Variants in PAPLN observed in about 807,000 individuals in gnomAD.
PAPLN encodes the protein papilin.
Under a neutral mutation model 159.0 loss-of-function variants are expected in PAPLN, and 146 were observed. The observed-to-expected ratio is 0.92, with a 90% CI of 0.80 to 1.05. PAPLN has a LOEUF of 1.05. Among genes scored for constraint, PAPLN ranks in the 50% least tolerant of loss-of-function variants. The pLI, the probability that PAPLN is intolerant of heterozygous loss-of-function variation, is 0.00. For missense variants in PAPLN, 1,720 were observed against 1,743.9 expected, an observed-to-expected ratio of 0.99 and a Z score of 0.24; for synonymous variants, 734 against 702.9, an observed-to-expected ratio of 1.04 and a Z score of -0.70.
intron 10 of PAPLN, 149 bp downstream of exon 10, chr14:73,252,290 C>T: frequency 7.7e-7 from 1 of 1,301,486 alleles, no homozygotes; most frequent in Non-Finnish European, 1.0e-6. Context: ...ATGGGGGTCG[C>T]TTTGAGGAAA....
rs1555364875 is a variant in PAPLN, at chr14:73,265,273, A to ACG, written c.3126-97_3126-96insCG. Reference sequence around the variant, plus strand: ...TTTAGGAAGCTGAATCTGGCTGGAGAGGGAGAAGGGGCCACCAGGCTTGTG... The same window carrying ACG: ...TTTAGGAAGCTGAATCTGGCTGGAGACGGGGAGAAGGGGCCACCAGGCTTGTG... On this transcript the variant is annotated intron_variant, in intron 22 of 26. Transcript: ENST00000644200. The surrounding 1 kb of genome is among the most constrained non-coding windows in gnomAD (Gnocchi z 4.1). 9.9e-5 allele frequency: 150 copies of ACG among 1,509,376 alleles called. 2 individuals are homozygous for ACG. The South Asian group carries it at 1.6e-3, about 16-fold the overall frequency. 93.5% of individuals were successfully genotyped at this position (1,509,376 alleles called of 1,614,324 possible).
intron 19 of PAPLN, chr14:73,263,440 C>A: frequency 1.6e-6 from 1 of 633,234 alleles, no homozygotes; most frequent in Non-Finnish European, 2.8e-6. Context: ...GGCAGTGATG[C>A]TTGGGGGAGC....
In PAPLN at chr14:73,264,685, C is replaced by T. The variant is rs768907461; in HGVS notation, c.3084C>T (p.Pro1028=). 1 of 1,612,166 alleles carries T rather than the reference C, an allele frequency of 6.2e-7. No homozygotes were observed. The highest frequency in any genetic ancestry group is 2.2e-5 in the East Asian group (1 of 44,854). ...QDFGQAGAAG[P]LGAIPSSHPQ... ...TTGGCCAAGCGGGGGCTGCTGGGCCCCTGGGGGCCATCCCCTCTTCACACC... is the reference window on the plus strand; with the variant it reads ...TTGGCCAAGCGGGGGCTGCTGGGCCTCTGGGGGCCATCCCCTCTTCACACC... Residue 1028 remains proline (P), a synonymous_variant, in exon 22 of 27, where the codon CCC becomes CCT. Transcript: ENST00000644200.
intron 1 of PAPLN, among the ~76,000 whole-genome samples, chr14:73,238,032 C>T (rs533456956): frequency 6.6e-6 from 1 of 152,288 alleles, no homozygotes; most frequent in South Asian, 2.1e-4. Flanking sequence ...GTGGGAACCG[C>T]GCCTCTCCGC....
rs191553368 is a variant in PAPLN, at chr14:73,259,580, T to C, written c.1985+35T>C. The stretch of plus-strand genomic sequence containing the variant: ...GGAGACAGGTCTTCCTCCTCCCCCG[T>C]CAAAGAGGGAAGGTGGGACCCCGTG... On this transcript the variant is annotated intron_variant, in intron 16 of 26. Coordinates refer to ENST00000644200, the MANE Select transcript of PAPLN (RefSeq NM_001365906.3). The C allele has an allele frequency of 4.6e-4, 673 of 1,468,314 alleles. 3 individuals carry two copies. In the African/African-American group the frequency reaches 8.8e-3, roughly 19 times the overall value. The allele number at this position is 1,468,314 out of a possible 1,614,324, so 91.0% of individuals were successfully genotyped here.
chr14:73,249,674 C>CAG (rs1885014863), intron 5 of PAPLN: 1 of 93,412 alleles, frequency 1.1e-5, no homozygotes, highest in Non-Finnish European at 2.1e-5. Context: ...GACTCCACCT[C>CAG]AAAAAAAAAA....
chr14:73,259,350 G>T lies in PAPLN; in HGVS notation c.1790G>T (p.Gly597Val), dbSNP rs762558894. 21 of 1,611,478 alleles carry T rather than the reference G, an allele frequency of 1.3e-5. No homozygotes were observed. The South Asian group carries it at 2.1e-4, about 16-fold the overall frequency. Residue 597 changes from glycine to valine, a missense_variant, in exon 16 of 27, where the codon GGC becomes GTC. Transcript: ENST00000644200. ...DHRGERGDPR[G>V]DQGTHLSALG... is the part of the protein sequence containing the mutation. ...AGGGGAGAACGAGGTGACCCCAGGG[G>T]CGACCAAGGCACCCACCTGTCAGCC...
At chr14:73,244,970 C>T (rs772925999) in intron 3 of PAPLN, 2 of 459,030 alleles carry the variant, frequency 4.4e-6, no homozygotes, top group Non-Finnish European at 7.8e-6. Context: ...AGCACGCGTG[C>T]TGCCTGTTGC....
At chr14:73,236,583 G>A (rs141111942), upstream of PAPLN, among the ~76,000 whole-genome samples, 5 of 152,154 alleles carry the variant, frequency 3.3e-5, no homozygotes, top group Admixed American at 2.0e-4. Context: ...TTGGGAGTCC[G>A]AGGTGGGTGG....
chr14:73,259,443 A>G lies in PAPLN; in HGVS notation c.1883A>G (p.His628Arg), dbSNP rs17182244. ...QQPLRSGSGP[H>R]DCRHSPHGCC... ...CCCCTGCGGTCGGGCTCAGGGCCCCACGACTGCAGACACAGTCCTCACGGG... is the reference window on the plus strand; with the variant it reads ...CCCCTGCGGTCGGGCTCAGGGCCCCGCGACTGCAGACACAGTCCTCACGGG... Residue 628 changes from histidine to arginine, a missense_variant, in exon 16 of 27, where the codon CAC (histidine) becomes CGC (arginine). His to Arg is a conservative substitution (Grantham distance 29). Transcript: ENST00000644200. The G allele has an allele frequency of 0.031, 49,358 of 1,612,414 alleles. 902 individuals carry two copies. Among genetic ancestry groups the G allele is most frequent in the Middle Eastern group, 0.057 (346 of 6,058 alleles).
At chr14:73,272,254 G>A (rs547007935) in intron 26 of PAPLN, 4 of 384,222 alleles carry the variant, frequency 1.0e-5, no homozygotes, top group Admixed American at 8.5e-5. Context: ...TCAGTGGGCT[G>A]AGGCCACAAA....
intron 19 of PAPLN, 22 bp downstream of exon 19, chr14:73,262,849 T>C: frequency 6.9e-7 from 1 of 1,444,634 alleles, no homozygotes; most frequent in Non-Finnish European, 9.1e-7. Flanking sequence ...CTTCCCCAGG[T>C]GAGGGGGTTA....
At chr14:73,239,170 C>A (rs1207017065) in intron 1 of PAPLN, among the ~76,000 whole-genome samples, 1 of 152,068 alleles carries the variant, frequency 6.6e-6, no homozygotes, top group East Asian at 1.9e-4. Context: ...CACTGCACTG[C>A]ACTTTCAGGG....
intron 1 of PAPLN, among the ~76,000 whole-genome samples, chr14:73,239,419 C>G (rs1427720022): frequency 1.3e-5 from 2 of 152,214 alleles, no homozygotes; most frequent in Non-Finnish European, 2.9e-5. Context: ...TAAAAGGAAT[C>G]TTGCTGAATT....
In PAPLN at chr14:73,264,323, C is replaced by G; in HGVS notation, c.2974C>G (p.Leu992Val). The G allele has an allele frequency of 1.2e-6, 2 of 1,613,856 alleles. No homozygotes were observed. Among genetic ancestry groups the G allele is most frequent in the Non-Finnish European group, 1.7e-6 (2 of 1,179,904 alleles). ...RPGRDSQKIQ[L>V]RIIGGDMAVL... ...AGGCCGCGACTCCCAGAAGATCCAA[C>G]TTCGCATCATAGGTCTCTGTCCCCA... Residue 992 changes from leucine (L) to valine (V), a missense_variant, in exon 21 of 27, where the codon CTT becomes GTT. Transcript: ENST00000644200.
At position 73,251,512 on chromosome 14, in the gene PAPLN, A is replaced by G; in HGVS notation, c.616A>G (p.Met206Val). The change falls in exon 8 of 27, where the codon ATG (methionine) becomes GTG (valine). Residue 206 changes from methionine (M) to valine (V), a missense_variant. Transcript: ENST00000644200. ...CTACAACCAGATCCTCATAGTTCCC[A>G]TGGGTGCCACCAGCATCCTCATCGA... ...RGYNQILIVPMGATSILIDEA... is the reference protein window; with the variant it reads ...RGYNQILIVPVGATSILIDEA... The G allele has an allele frequency of 4.3e-6, 7 of 1,610,090 alleles. No individual in the cohort carries two copies. Among genetic ancestry groups the G allele is most frequent in the Non-Finnish European group, 5.9e-6 (7 of 1,179,830 alleles).
At chr14:73,248,027 TGTTGGGATTGTG>T (rs1884756755) in intron 5 of PAPLN, among the ~76,000 whole-genome samples, 1 of 77,872 alleles carries the variant, frequency 1.3e-5, no homozygotes, top group African/African-American at 6.3e-5. Flanking sequence ...TGTGTGTGTG[TGTTGGGATTGTG>T]GCTGTGGGTG....
At chr14:73,244,880 G>A in intron 3 of PAPLN, 121 bp downstream of exon 3, 1 of 706,150 alleles carries the variant, frequency 1.4e-6, no homozygotes, top group Non-Finnish European at 2.3e-6. Flanking sequence ...AACCCACCAA[G>A]GAGCAGATTC....
intron 4 of PAPLN, 48 bp from the exon 5 acceptor site, chr14:73,246,025 A>C: frequency 4.7e-6 from 7 of 1,477,276 alleles, no homozygotes; most frequent in Non-Finnish European, 6.3e-6. Flanking sequence ...AGGTGGGCGG[A>C]CCTCGGACTC....
Sources: allele counts gnomAD v4.1 joint callset (sites outside exome capture counted in the v4.1 genomes callset), GRCh38; gene constraint gnomAD v4.1.1; non-coding constraint Gnocchi (gnomAD v3.1); transcripts MANE v1.5; gene names NCBI Gene and HGNC (gene_info 2026-07-23, HGNC 2026-07-21).